The following PRKN variants were observed in gnomAD, a reference collection of about 807,000 sequenced individuals.
PRKN encodes the protein E3 ubiquitin-protein ligase parkin.
Under a neutral mutation model 59.5 loss-of-function variants are expected in PRKN, and 56 were observed. That is an observed-to-expected ratio of 0.94 (90% confidence interval 0.76 to 1.18). The LOEUF is 1.18. Among genes scored for constraint, PRKN ranks in the 50% most tolerant of loss-of-function variants. The pLI is 0.00. For synonymous variants in PRKN, 250 were observed against 222.1 expected (o/e 1.13, Z -1.12); for missense variants, 657 against 596.4 (o/e 1.10, Z -1.06).
Position 161,525,659 on chromosome 6 carries a change from A to G in PRKN, c.1083+23195T>C, listed in dbSNP as rs1171902953. On this transcript the variant is annotated intron_variant, in intron 9 of 11. Coordinates refer to ENST00000366898, the MANE Select transcript of PRKN (RefSeq NM_004562.3). The surrounding 1 kb of genome is among the most constrained non-coding windows in gnomAD (Gnocchi z 4.7). ...AATATGAACAGAGACAAGAGAACCT[A>G]CCTGCACTTAGTATCCCTGTACTTG... Among the ~76,000 whole-genome samples, 1 of 152,194 alleles carries G rather than the reference A, an allele frequency of 6.6e-6. No individual in the cohort carries two copies. Among genetic ancestry groups the G allele is most frequent in the Non-Finnish European group, 1.5e-5 (1 of 68,032 alleles).
At chr6:162,022,838 G>A (rs1364930127) in intron 5 of PRKN, among the ~76,000 whole-genome samples, 1 of 152,050 alleles carries the variant, frequency 6.6e-6, no homozygotes, top group Non-Finnish European at 1.5e-5. Flanking sequence ...TTTTGCATAC[G>A]GTGAGAGGAA....
chr6:162,661,680 G>T lies in PRKN; in HGVS notation c.7+65982C>A, dbSNP rs149151491. Among the ~76,000 whole-genome samples the T allele has an allele frequency of 3.4e-3, 521 of 152,278 alleles. 4 individuals carry two copies. The highest frequency in any genetic ancestry group is 0.012 in the African/African-American group (502 of 41,552). On this transcript the variant is annotated intron_variant, in intron 1 of 11. Transcript: ENST00000366898. Reference sequence around the variant, plus strand: ...CGCAGTTTGTTGCTTTGTTAAATATGACAGGGTTATGGCTGAAGTAATAAT... The same window carrying T: ...CGCAGTTTGTTGCTTTGTTAAATATTACAGGGTTATGGCTGAAGTAATAAT...
At chr6:161,366,824 A>G (rs1300635645) in intron 10 of PRKN, among the ~76,000 whole-genome samples, 1 of 151,824 alleles carries the variant, frequency 6.6e-6, no homozygotes. Context: ...TTTTGTCTAT[A>G]AATTTGTTCT....
chr6:161,746,889 T>C lies in PRKN; in HGVS notation c.871+38883A>G, dbSNP rs192572050. On this transcript the variant is annotated intron_variant, in intron 7 of 11. Coordinates refer to ENST00000366898, the MANE Select transcript of PRKN (RefSeq NM_004562.3). ...CTACGTATATATCTATATCTATATATCTATGTATGTATGTATAATACTGAA... is the reference window on the plus strand; with the variant it reads ...CTACGTATATATCTATATCTATATACCTATGTATGTATGTATAATACTGAA... Among the ~76,000 whole-genome samples, 3 of 150,878 alleles carry C rather than the reference T, an allele frequency of 2.0e-5. No homozygotes were observed. The East Asian group carries it at 5.8e-4, about 29-fold the overall frequency.
chr6:161,722,669 T>C (rs1787274644), intron 7 of PRKN, among the ~76,000 whole-genome samples: 1 of 152,300 alleles, frequency 6.6e-6, no homozygotes, highest in South Asian at 2.1e-4. Context: ...ATTCCATGAA[T>C]CCAGGGCAAA....
At chr6:162,031,002 T>C (rs537752344) in intron 5 of PRKN, among the ~76,000 whole-genome samples, 1 of 152,278 alleles carries the variant, frequency 6.6e-6, no homozygotes, top group Admixed American at 6.5e-5. Context: ...AAAGAAACTA[T>C]AGCGCATTTC....
chr6:162,356,092 G>A (rs1183317448), intron 2 of PRKN, among the ~76,000 whole-genome samples: 1 of 152,088 alleles, frequency 6.6e-6, no homozygotes, highest in Admixed American at 6.6e-5. Context: ...GCCACATTCA[G>A]AGACAAGGCC....
intron 9 of PRKN, among the ~76,000 whole-genome samples, chr6:161,516,467 TAAAA>T (rs376373455): frequency 1.7e-4 from 4 of 23,146 alleles, no homozygotes; most frequent in East Asian, 1.5e-3. Context: ...AGGCTCCTTC[TAAAA>T]AAAAAAAAAA....
chr6:161,917,895 T>C (rs9364627), intron 6 of PRKN, among the ~76,000 whole-genome samples: 84,070 of 152,080 alleles, frequency 0.55, 23,332 homozygotes, highest in Middle Eastern at 0.66. Flanking sequence ...ATGTCACCCT[T>C]GGAAGAAAGG....
chr6:162,319,061 C>T (rs1782871452), intron 2 of PRKN, among the ~76,000 whole-genome samples: 1 of 151,952 alleles, frequency 6.6e-6, no homozygotes, highest in African/African-American at 2.4e-5. Context: ...TTATTCTTTA[C>T]ACAGTCTTCA....
At chr6:162,469,366 C>A (rs1791604922) in intron 1 of PRKN, among the ~76,000 whole-genome samples, 4 of 140,488 alleles carry the variant, frequency 2.8e-5, no homozygotes, top group East Asian at 4.4e-4. Flanking sequence ...GGGTGGGTGA[C>A]AGAGGAAGTC....
rs75529362 is a variant in PRKN at position 161,348,102 on chromosome 6, C to T, written c.*1997G>A. Reference sequence around the variant, plus strand: ...ACGCAGCATGCAGATTGGGAAGGCGCAATAATGCAAACACCATCAGGAAGA... The same window carrying T: ...ACGCAGCATGCAGATTGGGAAGGCGTAATAATGCAAACACCATCAGGAAGA... On this transcript the variant is annotated 3_prime_UTR_variant, in exon 12 of 12. Transcript: ENST00000366898. The surrounding 1 kb of genome is among the most constrained non-coding windows in gnomAD (Gnocchi z 4.9). 327 of 190,140 alleles carry T rather than the reference C, an allele frequency of 1.7e-3. 2 individuals are homozygous for T. The highest frequency in any genetic ancestry group is 7.2e-3 in the African/African-American group (307 of 42,852). The allele number at this position is 190,140 out of a possible 1,614,324, so 11.8% of individuals were successfully genotyped here. A position where few individuals can be genotyped will look rare whatever the true frequency, so the allele number is the denominator to read the frequency against.
At chr6:161,658,263 C>T (rs765044325) in intron 7 of PRKN, among the ~76,000 whole-genome samples, 23 of 151,932 alleles carry the variant, frequency 1.5e-4, no homozygotes, top group Non-Finnish European at 2.8e-4. Flanking sequence ...AGAATAATTG[C>T]ATTATTCATG....
Position 162,274,312 on chromosome 6 carries a change from C to A in PRKN, c.172-11547G>T, listed in dbSNP as rs189144083. Reference sequence around the variant, plus strand: ...AGGGGATTCCTAACCTCAGCCTCCCCAGTAGCTGGGACAACTGGAATGTGC... The same window carrying A: ...AGGGGATTCCTAACCTCAGCCTCCCAAGTAGCTGGGACAACTGGAATGTGC... On this transcript the variant is annotated intron_variant, in intron 2 of 11. Transcript: ENST00000366898. Among the ~76,000 whole-genome samples, 566 of 152,072 alleles carry A rather than the reference C, an allele frequency of 3.7e-3. 4 individuals carry two copies. Among genetic ancestry groups the A allele is most frequent in the Admixed American group, 7.0e-3 (106 of 15,250 alleles).
At chr6:161,431,615 C>A (rs1019371904) in intron 9 of PRKN, among the ~76,000 whole-genome samples, 3 of 150,756 alleles carry the variant, frequency 2.0e-5, no homozygotes, top group Non-Finnish European at 4.4e-5. Flanking sequence ...TTTTCTTTTT[C>A]TTTTTCTTTT....
At chr6:161,748,248 T>C (rs1460327936) in intron 7 of PRKN, among the ~76,000 whole-genome samples, 1 of 152,194 alleles carries the variant, frequency 6.6e-6, no homozygotes, top group Non-Finnish European at 1.5e-5. Context: ...CACAATGTAC[T>C]TATTCAAAAA....
At chr6:162,604,185 C>A (rs1028683359) in intron 1 of PRKN, among the ~76,000 whole-genome samples, 7 of 152,160 alleles carry the variant, frequency 4.6e-5, no homozygotes, top group Admixed American at 6.5e-5. Context: ...ATGGCAAGTA[C>A]CTGCTTTCAT....
chr6:162,387,551 CACACAGAGAGAGAGAGAG>C (rs1481049981), intron 2 of PRKN, among the ~76,000 whole-genome samples: 57 of 76,684 alleles, frequency 7.4e-4, no homozygotes, highest in African/African-American at 3.0e-3. Flanking sequence ...CACACACACA[CACACAGAGAGAGAGAGAG>C]AGAGAGAGAG....
chr6:162,283,640 A>C (rs1583313324), intron 2 of PRKN, among the ~76,000 whole-genome samples: 1 of 152,216 alleles, frequency 6.6e-6, no homozygotes, highest in South Asian at 2.1e-4. Flanking sequence ...TCATGCCTCA[A>C]CGTCTGAGTA....
Sources: gnomAD v4.1 joint callset for allele counts (sites outside exome capture counted in the v4.1 genomes callset) on GRCh38, gnomAD v4.1.1 for gene constraint, Gnocchi (gnomAD v3.1) non-coding constraint, MANE v1.5 for transcripts, NCBI Gene and HGNC (gene_info 2026-07-23, HGNC 2026-07-21) for gene names.